Variants in DPY19L4 observed in about 807,000 individuals in gnomAD.
The protein encoded by DPY19L4 is probable C-mannosyltransferase DPY19L4.
Under a neutral mutation model 102.8 loss-of-function variants are expected in DPY19L4, and 97 were observed. The ratio of observed to expected loss-of-function variants is 0.94; its 90% CI spans 0.80 to 1.12. The LOEUF (loss-of-function observed/expected upper bound fraction) is 1.12. Ranked by LOEUF, DPY19L4 falls within the 50% of genes most tolerant of loss-of-function variation. The pLI is 0.00. For missense variants in DPY19L4, 815 were observed against 850.4 expected, an observed-to-expected ratio of 0.96 and a Z score of 0.52; for synonymous variants, 252 against 283.1, an observed-to-expected ratio of 0.89 and a Z score of 1.10.
intron 13 of DPY19L4, among the ~76,000 whole-genome samples, chr8:94,776,736 G>A (rs1273914279): frequency 4.6e-5 from 7 of 151,890 alleles, no homozygotes; most frequent in African/African-American, 1.2e-4. Context: ...AGGCCAAGGC[G>A]GGTGGATCAC....
chr8:94,782,920 A>T (rs950406093), intron 16 of DPY19L4, among the ~76,000 whole-genome samples: 1 of 152,322 alleles, frequency 6.6e-6, no homozygotes, highest in East Asian at 1.9e-4. Flanking sequence ...CCAAACAATT[A>T]CCTATTGAAT....
chr8:94,719,998 G>A lies in DPY19L4; in HGVS notation c.-1G>A, dbSNP rs1173905946. ...AGGGCGCCCTAGCCTTCGCAGAAAC[G>A]ATGGCGGAGGAAGAAGGTGATTGCC... On this transcript the variant is annotated 5_prime_UTR_variant, in exon 1 of 19. Coordinates refer to ENST00000414645, the MANE Select transcript of DPY19L4 (RefSeq NM_181787.3). 1 of 1,531,046 alleles carries A rather than the reference G, an allele frequency of 6.5e-7. No individual in the cohort carries two copies. Among genetic ancestry groups the A allele is most frequent in the Non-Finnish European group, 8.8e-7 (1 of 1,140,432 alleles). 94.8% of individuals were successfully genotyped at this position (1,531,046 alleles called of 1,614,324 possible).
intron 6 of DPY19L4, among the ~76,000 whole-genome samples, chr8:94,755,130 C>G (rs1183291268): frequency 1.3e-5 from 2 of 152,096 alleles, no homozygotes; most frequent in African/African-American, 2.4e-5. Flanking sequence ...TCAAAAGTCT[C>G]TAAGTATATC....
intron 7 of DPY19L4, 63 bp from the exon 8 acceptor site, chr8:94,761,637 T>C: frequency 7.2e-7 from 1 of 1,395,914 alleles, no homozygotes; most frequent in South Asian, 1.9e-5. Context: ...GAGGTAACAG[T>C]CTCATAGGCT....
At chr8:94,786,877 C>G (rs1195107130) in intron 17 of DPY19L4, among the ~76,000 whole-genome samples, 2 of 152,154 alleles carry the variant, frequency 1.3e-5, no homozygotes, top group Non-Finnish European at 2.9e-5. Flanking sequence ...CACAGAGTCT[C>G]TAATTCATAA....
chr8:94,765,261 G>T lies in DPY19L4; in HGVS notation c.949G>T (p.Val317Leu), dbSNP rs146235628. The change falls in exon 9 of 19, where the codon GTA becomes TTA. Residue 317 changes from valine (V) to leucine (L), a missense_variant. Physicochemically the swap from Val to Leu is conservative, Grantham distance 32. Coordinates refer to ENST00000414645, the MANE Select transcript of DPY19L4 (RefSeq NM_181787.3). ...LLQFENPALLVSPLLSLVAAL... is the reference protein window; with the variant it reads ...LLQFENPALLLSPLLSLVAAL... ...ACAGTTTGAGAATCCAGCTTTGTTG[G>T]TATCTCCTTTATTAAGTTTAGTAGC... 1,565 of 1,609,760 alleles carry T rather than the reference G, an allele frequency of 9.7e-4. 9 individuals carry two copies. The highest frequency in any genetic ancestry group is 6.7e-3 in the Middle Eastern group (40 of 6,010).
At chr8:94,784,773 T>C (rs1414280479) in intron 17 of DPY19L4, among the ~76,000 whole-genome samples, 1 of 152,224 alleles carries the variant, frequency 6.6e-6, no homozygotes, top group Non-Finnish European at 1.5e-5. Flanking sequence ...AATGTCTTGG[T>C]ACTACATTTT....
intron 6 of DPY19L4, among the ~76,000 whole-genome samples, chr8:94,742,097 G>A (rs568694496): frequency 1.2e-4 from 19 of 152,264 alleles, no homozygotes; most frequent in Middle Eastern, 3.4e-3. Context: ...GGTGGCTCAC[G>A]CCTGTAATCC....
intron 18 of DPY19L4, among the ~76,000 whole-genome samples, chr8:94,788,646 CG>C (rs1813762958): frequency 8.2e-6 from 1 of 121,270 alleles, no homozygotes; most frequent in African/African-American, 2.7e-5. Context: ...GACGCACGCG[CG>C]CGCGCATGTG....
At chr8:94,783,856 A>G (rs1586426921) in intron 17 of DPY19L4, 54 bp downstream of exon 17, 1 of 1,598,164 alleles carries the variant, frequency 6.3e-7, no homozygotes, top group Non-Finnish European at 8.5e-7. Context: ...TTTGTATTTT[A>G]GCATAGTCTG....
chr8:94,756,941 C>G (rs1001989533), intron 7 of DPY19L4, among the ~76,000 whole-genome samples: 3 of 152,170 alleles, frequency 2.0e-5, no homozygotes, highest in African/African-American at 7.2e-5. Flanking sequence ...GGGAGGATCC[C>G]TTGAACCTGG....
In DPY19L4 at chr8:94,753,587, A is replaced by G. The variant is rs561018833; in HGVS notation, c.612-2449A>G. ...CACAGAGAGGGCTGCAGATGACTTG[A>G]CATAAGAAAGTGCGGTGGCTCAAGC... is the stretch of plus-strand genomic sequence containing the variant. On this transcript the variant is annotated intron_variant, in intron 6 of 18. Transcript: ENST00000414645. 3.3e-5 allele frequency among the ~76,000 whole-genome samples: 5 copies of G among 152,240 alleles called. No individual in the cohort carries two copies. In the South Asian group the frequency reaches 1.0e-3, roughly 32 times the overall value.
At chr8:94,777,903 G>A (rs1813260021) in intron 14 of DPY19L4, 117 bp downstream of exon 14, 1 of 1,250,714 alleles carries the variant, frequency 8.0e-7, no homozygotes, top group African/African-American at 1.5e-5. Context: ...TGACTTACAG[G>A]TAGAAAAACA....
At chr8:94,784,429 GTATT>G (rs1430651148) in intron 17 of DPY19L4, among the ~76,000 whole-genome samples, 2 of 151,692 alleles carry the variant, frequency 1.3e-5, no homozygotes, top group Non-Finnish European at 2.9e-5. Flanking sequence ...ATTTTTTATT[GTATT>G]TATTTATTTT....
chr8:94,779,426 A>C (rs1035286398), intron 14 of DPY19L4, among the ~76,000 whole-genome samples: 2 of 151,690 alleles, frequency 1.3e-5, no homozygotes, highest in African/African-American at 2.4e-5. Context: ...GGGCTTAAGC[A>C]ATCCTCCTGC....
At chr8:94,743,799 A>C (rs1811552337) in intron 6 of DPY19L4, among the ~76,000 whole-genome samples, 1 of 152,176 alleles carries the variant, frequency 6.6e-6, no homozygotes, top group African/African-American at 2.4e-5. Context: ...TGAGGTCAGG[A>C]GATCAAGACT....
intron 6 of DPY19L4, among the ~76,000 whole-genome samples, chr8:94,741,298 AT>A (rs897798945): frequency 6.6e-6 from 1 of 152,208 alleles, no homozygotes; most frequent in Admixed American, 6.5e-5. Context: ...TTAGCACCAA[AT>A]GAATGTCCTT....
At chr8:94,743,096 C>T (rs1409615568) in intron 6 of DPY19L4, among the ~76,000 whole-genome samples, 1 of 151,402 alleles carries the variant, frequency 6.6e-6, no homozygotes, top group Non-Finnish European at 1.5e-5. Flanking sequence ...GGCACAATCT[C>T]GGCTCACTGC....
At chr8:94,765,621 C>T in intron 9 of DPY19L4, 90 bp from the exon 10 acceptor site, 1 of 1,003,058 alleles carries the variant, frequency 1.0e-6, no homozygotes, top group Non-Finnish European at 1.5e-6. Context: ...CAGGCTTGAG[C>T]CACTGTGCTC....
Sources: allele counts gnomAD v4.1 joint callset (sites outside exome capture counted in the v4.1 genomes callset), GRCh38; gene constraint gnomAD v4.1.1; transcripts MANE v1.5; gene names NCBI Gene and HGNC (gene_info 2026-07-23, HGNC 2026-07-21).